AKAP6: variants seen among roughly 807,000 people sequenced by gnomAD.
AKAP6 encodes the protein A-kinase anchoring protein 6, also known as A-kinase anchor protein 6.
A neutral mutation model predicts 188.5 loss-of-function variants in AKAP6; 58 were observed. That is an observed-to-expected ratio of 0.31 (90% CI 0.25 to 0.38). AKAP6 has a LOEUF of 0.38. Among genes scored for constraint, AKAP6 ranks in the 10% least tolerant of loss-of-function variants. AKAP6 has a pLI of 1.00. For missense variants in AKAP6, 2,710 were observed against 2,740.0 expected (o/e 0.99, Z 0.24); for synonymous variants, 989 against 998.6 (o/e 0.99, Z 0.18).
intron 2 of AKAP6, among the ~76,000 whole-genome samples, chr14:32,462,916 A>AAAAC (rs563754965): frequency 0.088 from 8,238 of 93,632 alleles, 803 homozygotes; most frequent in African/African-American, 0.29. Flanking sequence ...AAAAAAAAAA[A>AAAAC]AAAAAAAAAA....
At chr14:32,673,392 G>T (rs911761606) in intron 7 of AKAP6, among the ~76,000 whole-genome samples, 2 of 152,120 alleles carry the variant, frequency 1.3e-5, no homozygotes, top group African/African-American at 4.8e-5. Context: ...ACAGTTCTTG[G>T]TACAGTTCTT....
chr14:32,398,331 G>A (rs1888946325), intron 1 of AKAP6, among the ~76,000 whole-genome samples: 2 of 152,166 alleles, frequency 1.3e-5, no homozygotes, highest in African/African-American at 4.8e-5. Flanking sequence ...CTAAGCCTCT[G>A]TTTAAACCAG....
chr14:32,720,161 A>C (rs994721687), intron 9 of AKAP6, among the ~76,000 whole-genome samples: 1 of 152,208 alleles, frequency 6.6e-6, no homozygotes, highest in Non-Finnish European at 1.5e-5. Flanking sequence ...TAGTTTGAGA[A>C]ACTATTCACT....
intron 9 of AKAP6, among the ~76,000 whole-genome samples, chr14:32,715,015 A>G (rs549558911): frequency 6.6e-6 from 1 of 152,040 alleles, no homozygotes; most frequent in East Asian, 1.9e-4. Flanking sequence ...TCTAATTTCA[A>G]ATTCCCTACT....
chr14:32,667,881 A>G (rs1889017613), intron 7 of AKAP6, among the ~76,000 whole-genome samples: 2 of 152,128 alleles, frequency 1.3e-5, no homozygotes, highest in Non-Finnish European at 2.9e-5. Context: ...CAGAGGAACT[A>G]GTGTGCATGT....
intron 4 of AKAP6, among the ~76,000 whole-genome samples, chr14:32,551,983 T>C (rs1883494286): frequency 6.6e-6 from 1 of 152,190 alleles, no homozygotes; most frequent in African/African-American, 2.4e-5. Context: ...TGTAATTTTA[T>C]ATAATTTTCT....
intron 7 of AKAP6, among the ~76,000 whole-genome samples, chr14:32,636,031 G>A (rs34378536): frequency 0.055 from 8,346 of 152,142 alleles, 312 homozygotes; most frequent in Admixed American, 0.1. Flanking sequence ...GTTGTATATA[G>A]ACTAGTATTT....
intron 1 of AKAP6, among the ~76,000 whole-genome samples, chr14:32,331,688 A>G (rs1179272901): frequency 6.6e-6 from 1 of 152,018 alleles, no homozygotes; most frequent in Non-Finnish European, 1.5e-5. Context: ...CCCAAGGGGT[A>G]GATGGTGTGT....
At chr14:32,381,244 G>T (rs1187655891) in intron 1 of AKAP6, among the ~76,000 whole-genome samples, 1 of 152,084 alleles carries the variant, frequency 6.6e-6, no homozygotes, top group Non-Finnish European at 1.5e-5. Context: ...GGAGGCTAAG[G>T]CAGGAGAAGT....
At chr14:32,506,337 A>T (rs548809079) in intron 2 of AKAP6, among the ~76,000 whole-genome samples, 3 of 152,296 alleles carry the variant, frequency 2.0e-5, no homozygotes, top group Admixed American at 2.0e-4. Context: ...GCCCTCACCT[A>T]ATGGCCGATA....
intron 2 of AKAP6, among the ~76,000 whole-genome samples, chr14:32,495,920 G>GT (rs1880293125): frequency 6.6e-6 from 1 of 152,138 alleles, no homozygotes; most frequent in Non-Finnish European, 1.5e-5. Flanking sequence ...CCGTATCAGT[G>GT]TAAGTAACAT....
chr14:32,454,661 T>TTCCC (rs1250179475), intron 2 of AKAP6, among the ~76,000 whole-genome samples: 2 of 27,770 alleles, frequency 7.2e-5, no homozygotes, highest in Non-Finnish European at 1.2e-4. Context: ...CCCTCTCTCC[T>TTCCC]TCCCTCCTTC....
chr14:32,787,930 C>G (rs1315180697), intron 12 of AKAP6, among the ~76,000 whole-genome samples: 1 of 150,746 alleles, frequency 6.6e-6, no homozygotes, highest in Non-Finnish European at 1.5e-5. Flanking sequence ...CATTCCAAAT[C>G]CTTGGGAGGC....
chr14:32,769,267 T>C (rs2300845), intron 11 of AKAP6, among the ~76,000 whole-genome samples: 136,510 of 151,180 alleles, frequency 0.9, 61,661 homozygotes, highest in African/African-American at 0.93. Context: ...AGGCTGGTCT[T>C]GAACTCCTGA....
chr14:32,718,990 A>G (rs1028874194), intron 9 of AKAP6, among the ~76,000 whole-genome samples: 2 of 152,166 alleles, frequency 1.3e-5, no homozygotes, highest in African/African-American at 2.4e-5. Flanking sequence ...CTGAAACCAT[A>G]CTTATCCTCA....
chr14:32,747,760 A>T (rs545025162), intron 11 of AKAP6, among the ~76,000 whole-genome samples: 1 of 152,342 alleles, frequency 6.6e-6, no homozygotes, highest in South Asian at 2.1e-4. Context: ...TTTTACAGGC[A>T]GTCCCAGTGC....
Position 32,821,444 on chromosome 14 carries a change from G to A in AKAP6, c.3631G>A (p.Gly1211Arg). The stretch of plus-strand genomic sequence containing the variant: ...TGATCCTGGCTTGATGGACCTAAAT[G>A]GGATGAGTGAGGATGCCCTGGAATG... Reference protein sequence around the residue: ...VIDPGLMDLNGMSEDALEWDE... With the variant: ...VIDPGLMDLNRMSEDALEWDE... The change falls in exon 13 of 14, where the codon GGG becomes AGG. Residue 1211 changes from glycine to arginine, a missense_variant. By Grantham distance (125) the Gly-to-Arg change is moderately radical. This residue lies in a region of AKAP6 where 2,473 missense variants were observed against 2,426.1 expected (regional missense o/e 1.02). Transcript: ENST00000280979. 1 of 1,613,120 alleles carries A rather than the reference G, an allele frequency of 6.2e-7. No individual in the cohort carries two copies. The highest frequency in any genetic ancestry group is 8.5e-7 in the Non-Finnish European group (1 of 1,179,486).
chr14:32,534,837 C>T (rs1017939141), intron 2 of AKAP6, among the ~76,000 whole-genome samples: 7 of 151,800 alleles, frequency 4.6e-5, no homozygotes, highest in Admixed American at 6.6e-5. Flanking sequence ...GTGTGGCAGC[C>T]GCCTGTAATC....
intron 1 of AKAP6, chr14:32,433,164 G>C (rs905471685): frequency 3.8e-6 from 1 of 266,018 alleles, no homozygotes; most frequent in African/African-American, 2.2e-5. Flanking sequence ...ATTCTGTGCA[G>C]GAATATGAAC....
Sources: allele counts gnomAD v4.1 joint callset (sites outside exome capture counted in the v4.1 genomes callset), GRCh38; gene constraint gnomAD v4.1.1; regional missense constraint gnomAD v4.1.1; transcripts MANE v1.5; gene names NCBI Gene and HGNC (gene_info 2026-07-23, HGNC 2026-07-21).